Variants in CA6 observed in about 807,000 individuals in gnomAD.
CA6 encodes carbonate dehydratase VI.
A neutral mutation model predicts 35.9 loss-of-function variants in CA6; 28 were observed. The observed-to-expected ratio is 0.78, with a 90% CI of 0.58 to 1.07. The LOEUF is 1.07. CA6 is among the 50% of genes least tolerant of loss of function. The pLI, the probability that CA6 is intolerant of heterozygous loss-of-function variation, is 0.00. For missense variants in CA6, 377 were observed against 382.0 expected, an observed-to-expected ratio of 0.99 and a Z score of 0.11; for synonymous variants, 148 against 152.6, an observed-to-expected ratio of 0.97 and a Z score of 0.22.
Position 8,949,440 on chromosome 1 carries a change from C to A in CA6, c.257C>A (p.Thr86Lys). 6.2e-7 allele frequency: 1 copy of A among 1,611,240 alleles called. No individual in the cohort carries two copies. The highest frequency in any genetic ancestry group is 2.2e-5 in the East Asian group (1 of 44,690). Reference protein sequence around the residue: ...GEFPMVNNGHTVQISLPSTMR... With the variant: ...GEFPMVNNGHKVQISLPSTMR... ...TTCCCCATGGTCAACAATGGCCACA[C>A]AGGTAAGAGGAAGGGGTGGTGAGGG... The change falls in exon 2 of 8, where the codon ACA (threonine) becomes AAA (lysine). Residue 86 changes from threonine to lysine, a missense_variant and splice_region_variant. Coordinates refer to ENST00000377443, the MANE Select transcript of CA6 (RefSeq NM_001215.4).
chr1:8,949,830 A>G (rs1639477385), intron 2 of CA6, among the ~76,000 whole-genome samples: 1 of 152,106 alleles, frequency 6.6e-6, no homozygotes, highest in African/African-American at 2.4e-5. Context: ...ATTCAGCTCA[A>G]AGCACCTGAC....
intron 7 of CA6, among the ~76,000 whole-genome samples, chr1:8,973,696 ATTTTTCTTTCTCTC>A (rs1406602820): frequency 8.3e-6 from 1 of 121,134 alleles, no homozygotes; most frequent in African/African-American, 3.3e-5. Context: ...TCAGGCCTGG[ATTTTTCTTTCTCTC>A]TCTTTCTTTC....
chr1:8,970,636 G>C (rs1640084792), intron 6 of CA6, among the ~76,000 whole-genome samples: 2 of 152,050 alleles, frequency 1.3e-5, no homozygotes, highest in Admixed American at 1.3e-4. Context: ...AGCCTCCTGA[G>C]TAGCTGGGAT....
At chr1:8,961,266 T>C (rs1639837040) in intron 4 of CA6, among the ~76,000 whole-genome samples, 3 of 151,978 alleles carry the variant, frequency 2.0e-5, no homozygotes, top group Admixed American at 2.0e-4. Flanking sequence ...AAGTGAAGAG[T>C]ACTGGAAATG....
chr1:8,960,743 AACACACACACACAC>A (rs113532929), intron 4 of CA6, among the ~76,000 whole-genome samples: 92 of 109,054 alleles, frequency 8.4e-4, no homozygotes, highest in Middle Eastern at 4.1e-3. Context: ...CAAGTATAGC[AACACACACACACAC>A]ACACACACAC....
At chr1:8,957,423 C>T in intron 3 of CA6, 138 bp downstream of exon 3, 1 of 746,388 alleles carries the variant, frequency 1.3e-6, no homozygotes, top group East Asian at 2.9e-5. Context: ...TCACTGCAAC[C>T]TCCGCCTTCT....
Position 8,962,567 on chromosome 1 carries a change from T to C in CA6, c.502-20T>C. On this transcript the variant is annotated intron_variant, in intron 4 of 7. Coordinates refer to ENST00000377443, the MANE Select transcript of CA6 (RefSeq NM_001215.4). ...GGGCCTCTTCTTCACTTACGCTCAG[T>C]GCTCTGTGTTTCTCTGCAGGTGAAG... The C allele has an allele frequency of 1.2e-6, 2 of 1,603,742 alleles. No individual in the cohort carries two copies. The highest frequency in any genetic ancestry group is 1.7e-6 in the Non-Finnish European group (2 of 1,170,524).
Position 8,962,614 on chromosome 1 carries a change from T to G in CA6, c.529T>G (p.Tyr177Asp), listed in dbSNP as rs762806520. 6.2e-7 allele frequency: 1 copy of G among 1,613,852 alleles called. No individual in the cohort carries two copies. Among genetic ancestry groups the G allele is most frequent in the Non-Finnish European group, 8.5e-7 (1 of 1,179,848 alleles). The part of the protein sequence containing the change: ...EVKNYPENTY[Y>D]SNFISHLANI... ...GAAGAATTACCCTGAAAACACTTATTACAGCAACTTCATTTCTCATCTGGC... is the reference window on the plus strand; with the variant it reads ...GAAGAATTACCCTGAAAACACTTATGACAGCAACTTCATTTCTCATCTGGC... Residue 177 changes from tyrosine to aspartate, a missense_variant, in exon 5 of 8, where the codon TAC becomes GAC. Transcript: ENST00000377443.
At chr1:8,959,089 T>G in intron 4 of CA6, 87 bp downstream of exon 4, 1 of 771,760 alleles carries the variant, frequency 1.3e-6, no homozygotes, top group East Asian at 2.5e-5. Context: ...AACAGTCTTC[T>G]TTATTATCAC....
intron 4 of CA6, among the ~76,000 whole-genome samples, chr1:8,960,783 C>CAT (rs1204900961): frequency 2.0e-5 from 2 of 101,398 alleles, no homozygotes; most frequent in African/African-American, 8.2e-5. Context: ...CACACACACA[C>CAT]ACACACATAT....
chr1:8,951,458 T>G, intron 2 of CA6: 3 of 764,914 alleles, frequency 3.9e-6, no homozygotes, highest in Non-Finnish European at 4.8e-6. Flanking sequence ...CTCCTTGTCC[T>G]CTCCTTGTGG....
At chr1:8,962,997 G>T (rs1639881203) in intron 5 of CA6, among the ~76,000 whole-genome samples, 1 of 152,108 alleles carries the variant, frequency 6.6e-6, no homozygotes, top group African/African-American at 2.4e-5. Context: ...ATGTCCACCT[G>T]GCTCCAAGCT....
chr1:8,957,785 C>CAAA lies in CA6; in HGVS notation c.408+521_408+523dup, dbSNP rs869085886. On this transcript the variant is annotated intron_variant, in intron 3 of 7. Coordinates refer to ENST00000377443, the MANE Select transcript of CA6 (RefSeq NM_001215.4). ...GCAATGTAGCGAGATCTTGTGTCTA[C>CAAA]AAAAAAAAAAAAAAAAAAAAAAATT... is the stretch of plus-strand genomic sequence containing the variant. 2.6e-3 allele frequency among the ~76,000 whole-genome samples: 204 copies of CAAA among 78,618 alleles called. 5 individuals carry two copies. Among genetic ancestry groups the CAAA allele is most frequent in the Middle Eastern group, 8.6e-3 (1 of 116 alleles). 51.6% of individuals were successfully genotyped at this position (78,618 alleles called of 152,430 possible). A position where few individuals can be genotyped will look rare whatever the true frequency, so the allele number is the denominator to read the frequency against.
At position 8,973,762 on chromosome 1, in the gene CA6, TTC is replaced by T. The variant is rs370697116; in HGVS notation, c.845-858_845-857del. Among the ~76,000 whole-genome samples, 161 of 21,868 alleles carry T rather than the reference TTC, an allele frequency of 7.4e-3. 4 individuals carry two copies. Among genetic ancestry groups the T allele is most frequent in the African/African-American group, 0.062 (148 of 2,396 alleles). 14.3% of individuals were successfully genotyped at this position (21,868 alleles called of 152,430 possible). A position where few individuals can be genotyped will look rare whatever the true frequency, so the allele number is the denominator to read the frequency against. On this transcript the variant is annotated intron_variant, in intron 7 of 7. Transcript: ENST00000377443. ...TTTCTTTCTTTCTTTCTTTCTTTCT[TTC>T]TTTCTTTCTTTCTTTCTTTCTTTTC...
chr1:8,966,975 T>TAAA (rs1346438523), intron 5 of CA6, among the ~76,000 whole-genome samples: 63 of 96,758 alleles, frequency 6.5e-4, no homozygotes, highest in African/African-American at 4.7e-3. Context: ...ATTTATTATT[T>TAAA]AAAAAAATAA....
chr1:8,959,034 T>C, intron 4 of CA6, 32 bp downstream of exon 4: 1 of 1,330,390 alleles, frequency 7.5e-7, no homozygotes, highest in African/African-American at 1.4e-5. Context: ...GTGTCTGTAT[T>C]TGAAGTTATA....
At chr1:8,964,776 C>T (rs1054234628) in intron 5 of CA6, among the ~76,000 whole-genome samples, 1 of 152,248 alleles carries the variant, frequency 6.6e-6, no homozygotes, top group South Asian at 2.1e-4. Context: ...GCCGGAGTGA[C>T]GGTCAGATCT....
intron 5 of CA6, among the ~76,000 whole-genome samples, chr1:8,967,088 G>C (rs1639988643): frequency 6.6e-6 from 1 of 152,186 alleles, no homozygotes; most frequent in Non-Finnish European, 1.5e-5. Flanking sequence ...CTCCCAGAGT[G>C]TTGAGATTAC....
intron 5 of CA6, among the ~76,000 whole-genome samples, chr1:8,964,652 C>T (rs1357773810): frequency 6.6e-6 from 1 of 152,200 alleles, no homozygotes; most frequent in African/African-American, 2.4e-5. Context: ...ATCTCCTGAC[C>T]TTACCATTCC....
Sources: gnomAD v4.1 joint callset for allele counts (sites outside exome capture counted in the v4.1 genomes callset) on GRCh38, gnomAD v4.1.1 for gene constraint, MANE v1.5 for transcripts, NCBI Gene and HGNC (gene_info 2026-07-23, HGNC 2026-07-21) for gene names.